CSMD1: variants seen among roughly 807,000 people sequenced by gnomAD.
CSMD1 encodes the protein CUB and sushi domain-containing protein 1.
Under a neutral mutation model 417.5 loss-of-function variants are expected in CSMD1, and 213 were observed. The observed-to-expected ratio is 0.51, with a 90% CI of 0.46 to 0.57. CSMD1 has a LOEUF of 0.57. Among genes scored for constraint, CSMD1 ranks in the 20% least tolerant of loss-of-function variants. The pLI, the probability that CSMD1 is intolerant of heterozygous loss-of-function variation, is 0.00. For synonymous variants in CSMD1, 2,862 were observed against 1,736.8 expected (o/e 1.65, Z -16.11); for missense variants, 6,923 against 4,529.7 (o/e 1.53, Z -15.17).
intron 2 of CSMD1, among the ~76,000 whole-genome samples, chr8:4,483,263 G>T (rs759210333): frequency 6.6e-6 from 1 of 152,188 alleles, no homozygotes; most frequent in Non-Finnish European, 1.5e-5. Context: ...CCCCAGCCAT[G>T]TGGAACTGTG....
In CSMD1 at chr8:3,527,509, T is replaced by C. The variant is rs115135341; in HGVS notation, c.1345-33783A>G. Among the ~76,000 whole-genome samples, 755 of 152,128 alleles carry C rather than the reference T, an allele frequency of 5.0e-3. 6 individuals are homozygous for C. The highest frequency in any genetic ancestry group is 0.017 in the African/African-American group (720 of 41,510). The stretch of plus-strand genomic sequence containing the variant: ...GGTTTCCCAGGGGAGGTCTGCCTGG[T>C]GAGGGAGCTGGGTGGTATCTCGATT... On this transcript the variant is annotated intron_variant, in intron 10 of 69. Transcript: ENST00000635120.
chr8:3,075,272 CTTTCTTTCT>C (rs1563310570), intron 49 of CSMD1, among the ~76,000 whole-genome samples: 2 of 69,808 alleles, frequency 2.9e-5, no homozygotes, highest in South Asian at 3.8e-4. Context: ...CTTTTCTTTT[CTTTCTTTCT>C]TTTTTTTTTT....
At chr8:4,247,795 T>TG (rs1402552058) in intron 3 of CSMD1, among the ~76,000 whole-genome samples, 5 of 152,144 alleles carry the variant, frequency 3.3e-5, no homozygotes, top group African/African-American at 7.2e-5. Context: ...AAAAGTACTG[T>TG]GGGAGCCAAA....
chr8:3,293,081 T>G (rs561693309), intron 25 of CSMD1, among the ~76,000 whole-genome samples: 2 of 152,162 alleles, frequency 1.3e-5, no homozygotes, highest in African/African-American at 4.8e-5. Flanking sequence ...CTCCTTCACT[T>G]ATGAAGCTTA....
intron 5 of CSMD1, among the ~76,000 whole-genome samples, chr8:3,875,633 C>G (rs1343618491): frequency 6.6e-6 from 1 of 152,146 alleles, no homozygotes; most frequent in East Asian, 1.9e-4. Context: ...AGTTTCCTCA[C>G]AGCCTCCGGA....
chr8:4,145,844 C>T (rs912607691), intron 3 of CSMD1, among the ~76,000 whole-genome samples: 2 of 151,078 alleles, frequency 1.3e-5, no homozygotes, highest in African/African-American at 4.9e-5. Flanking sequence ...GAAGCAGAGC[C>T]GTTCACACCA....
intron 3 of CSMD1, among the ~76,000 whole-genome samples, chr8:4,186,794 C>G (rs931732719): frequency 6.6e-6 from 1 of 151,032 alleles, no homozygotes; most frequent in Non-Finnish European, 1.5e-5. Flanking sequence ...CAAGACCAGC[C>G]TGGTCTACAT....
chr8:4,401,638 G>A (rs1053959382), intron 3 of CSMD1, among the ~76,000 whole-genome samples: 7 of 151,984 alleles, frequency 4.6e-5, no homozygotes, highest in Non-Finnish European at 1.0e-4. Flanking sequence ...ATTCTGTGTC[G>A]TACCCGACCC....
At chr8:3,894,340 T>A (rs1413294117) in intron 5 of CSMD1, among the ~76,000 whole-genome samples, 1 of 152,184 alleles carries the variant, frequency 6.6e-6, no homozygotes, top group East Asian at 1.9e-4. Flanking sequence ...CTGGATTTTT[T>A]CTATCACGAG....
intron 25 of CSMD1, among the ~76,000 whole-genome samples, chr8:3,289,812 C>G (rs1356902566): frequency 2.7e-5 from 4 of 147,386 alleles, no homozygotes; most frequent in Non-Finnish European, 5.9e-5. Flanking sequence ...TTTTGCTGTG[C>G]AGAAGCTCTT....
intron 1 of CSMD1, among the ~76,000 whole-genome samples, chr8:4,726,766 C>A (rs556068435): frequency 6.6e-6 from 1 of 152,156 alleles, no homozygotes. Context: ...ATGTCCTTTC[C>A]TATGTTCTGG....
At chr8:4,939,249 C>T (rs1290926354) in intron 1 of CSMD1, among the ~76,000 whole-genome samples, 1 of 152,050 alleles carries the variant, frequency 6.6e-6, no homozygotes, top group African/African-American at 2.4e-5. Context: ...TATCGAGATT[C>T]CTCAAAAAAC....
chr8:3,246,116 C>A (rs537921001), intron 26 of CSMD1, among the ~76,000 whole-genome samples: 15 of 152,214 alleles, frequency 9.9e-5, no homozygotes, highest in African/African-American at 3.6e-4. Flanking sequence ...GAAGGCACAT[C>A]GGTTCATGTC....
intron 1 of CSMD1, among the ~76,000 whole-genome samples, chr8:4,645,636 G>C (rs944713985): frequency 2.0e-5 from 3 of 151,800 alleles, no homozygotes; most frequent in Non-Finnish European, 2.9e-5. Flanking sequence ...CTGGCAAAAA[G>C]AGATGTCGAA....
chr8:4,125,210 G>A (rs1435811851), intron 3 of CSMD1, among the ~76,000 whole-genome samples: 2 of 152,138 alleles, frequency 1.3e-5, no homozygotes, highest in Admixed American at 6.5e-5. Context: ...AAAGGGAAAG[G>A]TCGAGCTGGG....
At chr8:2,960,961 T>TATATATATATATATATATATATATAC (rs1408815262) in intron 62 of CSMD1, among the ~76,000 whole-genome samples, 180 bp downstream of exon 62, 3 of 130,864 alleles carry the variant, frequency 2.3e-5, no homozygotes, top group East Asian at 2.1e-4. Context: ...TATATATATA[T>TATATATATATATATATATATATATAC]ATATACATAT....
chr8:4,569,892 C>G (rs914442236), intron 2 of CSMD1, among the ~76,000 whole-genome samples: 3 of 152,108 alleles, frequency 2.0e-5, no homozygotes, highest in Non-Finnish European at 4.4e-5. Context: ...ATATTTTATT[C>G]TCTTTGTAGC....
chr8:3,670,846 T>G lies in CSMD1; in HGVS notation c.1009+37568A>C, dbSNP rs1033285178. On this transcript the variant is annotated intron_variant, in intron 7 of 69. Coordinates refer to ENST00000635120, the MANE Select transcript of CSMD1 (RefSeq NM_033225.6). ...TATGTATAGGGGATATATATGTATATGGGATATATATGTATGGGATATATA... is the reference window on the plus strand; with the variant it reads ...TATGTATAGGGGATATATATGTATAGGGGATATATATGTATGGGATATATA... Among the ~76,000 whole-genome samples the G allele has an allele frequency of 3.3e-5, 5 of 150,660 alleles. No individual in the cohort carries two copies. In the East Asian group the frequency reaches 1.0e-3, roughly 30 times the overall value.
Position 3,183,441 on chromosome 8 carries a change from C to T in CSMD1, c.5621-2227G>A, listed in dbSNP as rs201733484. Among the ~76,000 whole-genome samples, 266 of 83,112 alleles carry T rather than the reference C, an allele frequency of 3.2e-3. 34 individuals carry two copies. The highest frequency in any genetic ancestry group is 9.5e-3 in the African/African-American group (232 of 24,484). 54.5% of individuals were successfully genotyped at this position (83,112 alleles called of 152,430 possible). ...CCTGAAACATCGAGTAGGTCTCTAA[C>T]GCCTAATCTATCTATCCCTGAAATA... On this transcript the variant is annotated intron_variant, in intron 36 of 69. Transcript: ENST00000635120.
Sources: gnomAD v4.1 joint callset for allele counts (sites outside exome capture counted in the v4.1 genomes callset) on GRCh38, gnomAD v4.1.1 for gene constraint, MANE v1.5 for transcripts, NCBI Gene and HGNC (gene_info 2026-07-23, HGNC 2026-07-21) for gene names.